Variants in STPG2 observed in about 807,000 individuals in gnomAD.
The protein encoded by STPG2 is sperm tail PG-rich repeat containing 2.
A neutral mutation model predicts 54.2 loss-of-function variants in STPG2; 56 were observed. That is an observed-to-expected ratio of 1.03 (90% confidence interval 0.83 to 1.29). The LOEUF (loss-of-function observed/expected upper bound fraction) is 1.29, where lower values mean the gene tolerates loss of function less well. Ranked by LOEUF, STPG2 falls within the 50% of genes most tolerant of loss-of-function variation. The pLI, the probability that STPG2 is intolerant of heterozygous loss-of-function variation, is 0.00. For missense variants in STPG2, 596 were observed against 544.9 expected (o/e 1.09, Z -0.93); for synonymous variants, 200 against 181.8 (o/e 1.10, Z -0.81).
chr4:97,666,043 A>G (rs1382648684), intron 10 of STPG2, among the ~76,000 whole-genome samples: 2 of 152,060 alleles, frequency 1.3e-5, no homozygotes, highest in African/African-American at 2.4e-5. Flanking sequence ...GTCTGCAGCA[A>G]TGGCATGGGT....
At chr4:97,938,841 C>T (rs912435811) in intron 8 of STPG2, among the ~76,000 whole-genome samples, 1 of 151,998 alleles carries the variant, frequency 6.6e-6, no homozygotes, top group Non-Finnish European at 1.5e-5. Context: ...GTATAGGATT[C>T]ACATGCTGTT....
chr4:97,869,905 A>G (rs1395429102), intron 8 of STPG2, among the ~76,000 whole-genome samples: 1 of 151,460 alleles, frequency 6.6e-6, no homozygotes, highest in Non-Finnish European at 1.5e-5. Context: ...TGCTTACATC[A>G]CTGTTTGGCA....
At chr4:98,133,763 A>AG (rs1740063483) in intron 2 of STPG2, among the ~76,000 whole-genome samples, 1 of 152,034 alleles carries the variant, frequency 6.6e-6, no homozygotes, top group African/African-American at 2.4e-5. Flanking sequence ...AGCCTCCAAC[A>AG]GGTGAGTTAA....
chr4:97,741,139 C>A (rs1450436213), intron 9 of STPG2, among the ~76,000 whole-genome samples: 2 of 152,090 alleles, frequency 1.3e-5, no homozygotes, highest in Non-Finnish European at 2.9e-5. Context: ...ATAAATGCTG[C>A]TGGAAAAACT....
At chr4:97,872,565 A>C (rs1730029341) in intron 8 of STPG2, among the ~76,000 whole-genome samples, 1 of 151,342 alleles carries the variant, frequency 6.6e-6, no homozygotes, top group Non-Finnish European at 1.5e-5. Context: ...AGTATTCAAA[A>C]AAATCTGGAA....
At chr4:97,730,442 T>C (rs1724761535) in intron 9 of STPG2, among the ~76,000 whole-genome samples, 1 of 152,226 alleles carries the variant, frequency 6.6e-6, no homozygotes, top group Non-Finnish European at 1.5e-5. Context: ...TTTGCTGTTG[T>C]GAATAGCACT....
chr4:97,596,775 G>C (rs1733304871), intron 10 of STPG2, among the ~76,000 whole-genome samples: 2 of 152,088 alleles, frequency 1.3e-5, no homozygotes, highest in African/African-American at 4.8e-5. Context: ...AGAGTTAAGA[G>C]AGAAGTTTAA....
At chr4:98,009,207 T>A (rs999155629) in intron 5 of STPG2, among the ~76,000 whole-genome samples, 40 of 152,194 alleles carry the variant, frequency 2.6e-4, no homozygotes, top group Non-Finnish European at 1.5e-4. Context: ...TTTTTTGATG[T>A]AGGCGTTTAT....
intron 8 of STPG2, among the ~76,000 whole-genome samples, chr4:97,886,647 C>T (rs115156949): frequency 0.014 from 2,162 of 152,270 alleles, 18 homozygotes; most frequent in Non-Finnish European, 0.021. Flanking sequence ...CTACTCTTCA[C>T]GTCAAACTAT....
At chr4:97,997,613 C>T (rs10001479) in intron 5 of STPG2, among the ~76,000 whole-genome samples, 53,888 of 151,886 alleles carry the variant, frequency 0.35, 9,733 homozygotes, top group Middle Eastern at 0.46. Context: ...TAATGCATAT[C>T]GAAACTATGT....
intron 8 of STPG2, among the ~76,000 whole-genome samples, chr4:97,867,612 C>T (rs1353406599): frequency 2.6e-5 from 4 of 151,988 alleles, no homozygotes; most frequent in Non-Finnish European, 4.4e-5. Flanking sequence ...ATAACAGAAG[C>T]CTTATTACAG....
chr4:98,114,765 T>TTG (rs1201249521), intron 3 of STPG2, among the ~76,000 whole-genome samples: 28 of 148,872 alleles, frequency 1.9e-4, no homozygotes, highest in African/African-American at 5.2e-4. Flanking sequence ...TTTTTTTTTT[T>TTG]TGTGTGTGTG....
chr4:97,792,155 A>AT (rs1727013265), intron 9 of STPG2, among the ~76,000 whole-genome samples: 1 of 152,214 alleles, frequency 6.6e-6, no homozygotes, highest in Non-Finnish European at 1.5e-5. Context: ...CAGCAAAACC[A>AT]TATTGCAAGT....
chr4:97,657,307 C>A (rs752887766), intron 10 of STPG2, among the ~76,000 whole-genome samples: 12 of 152,028 alleles, frequency 7.9e-5, no homozygotes, highest in Non-Finnish European at 1.0e-4. Flanking sequence ...ATACTACTGG[C>A]CAATCATCAT....
chr4:97,795,233 C>T lies in STPG2; in HGVS notation c.1204+45540G>A, dbSNP rs150136399. Among the ~76,000 whole-genome samples the T allele has an allele frequency of 6.2e-3, 941 of 152,160 alleles. 9 individuals carry two copies. The highest frequency in any genetic ancestry group is 0.021 in the African/African-American group (881 of 41,524). On this transcript the variant is annotated intron_variant, in intron 9 of 10. Transcript: ENST00000295268. ...TTATTATACTTTAAGTTCTATGGTA[C>T]ATGTGCACCACGTGCAGGTTTGTTA...
intron 9 of STPG2, among the ~76,000 whole-genome samples, chr4:97,818,484 G>A (rs1292450405): frequency 6.6e-6 from 1 of 151,158 alleles, no homozygotes; most frequent in Non-Finnish European, 1.5e-5. Context: ...TTATTTTACT[G>A]TACTCGCCTA....
Position 97,840,810 on chromosome 4 carries a change from T to A in STPG2, c.1167A>T (p.Ala389=). ...AKRKHASFLS[A]TPRCLEKVTD... is the part of the protein sequence containing the mutation. Reference sequence around the variant, plus strand: ...TCACTTTTTCTAGGCACCGAGGAGTTGCACTAAGAAAAGAGGCATGTTTTC... The same window carrying A: ...TCACTTTTTCTAGGCACCGAGGAGTAGCACTAAGAAAAGAGGCATGTTTTC... Residue 389 remains alanine, a synonymous_variant, in exon 9 of 11, where the codon GCA becomes GCT. Coordinates refer to ENST00000295268, the MANE Select transcript of STPG2 (RefSeq NM_174952.3). The A allele has an allele frequency of 1.2e-6, 2 of 1,611,988 alleles. No homozygotes were observed. Among genetic ancestry groups the A allele is most frequent in the Non-Finnish European group, 1.7e-6 (2 of 1,178,482 alleles).
intron 3 of STPG2, among the ~76,000 whole-genome samples, chr4:98,119,505 T>A (rs1214995): frequency 0.14 from 21,282 of 152,130 alleles, 1,631 homozygotes; most frequent in East Asian, 0.32. Flanking sequence ...AAATCTTTTT[T>A]TCTATAAAAG....
At chr4:97,936,305 C>T (rs1043054986) in intron 8 of STPG2, among the ~76,000 whole-genome samples, 1 of 152,126 alleles carries the variant, frequency 6.6e-6, no homozygotes, top group Non-Finnish European at 1.5e-5. Flanking sequence ...GAATACAGCA[C>T]ACTGATGATT....
Sources: allele counts gnomAD v4.1 joint callset (sites outside exome capture counted in the v4.1 genomes callset), GRCh38; gene constraint gnomAD v4.1.1; transcripts MANE v1.5; gene names NCBI Gene and HGNC (gene_info 2026-07-23, HGNC 2026-07-21).